The following DOCK9 variants were observed in gnomAD, a reference collection of about 807,000 sequenced individuals.
The protein encoded by DOCK9 is dedicator of cytokinesis protein 9.
Under a neutral mutation model 263.3 loss-of-function variants are expected in DOCK9, and 89 were observed. That is an observed-to-expected ratio of 0.34 (90% CI 0.28 to 0.40). The LOEUF (loss-of-function observed/expected upper bound fraction) is 0.40. Ranked by LOEUF, DOCK9 falls within the 10% of genes least tolerant of loss-of-function variation. The pLI is 1.00. For missense variants in DOCK9, 2,140 were observed against 2,603.4 expected, an observed-to-expected ratio of 0.82 and a Z score of 3.87; for synonymous variants, 976 against 973.1, an observed-to-expected ratio of 1.00 and a Z score of -0.06.
At chr13:98,848,095 G>C (rs768285869) in intron 37 of DOCK9, among the ~76,000 whole-genome samples, 9 of 152,128 alleles carry the variant, frequency 5.9e-5, no homozygotes, top group Non-Finnish European at 1.3e-4. Flanking sequence ...TTTTAGAGAA[G>C]GTTTGTGGAA....
chr13:98,976,945 A>AAAATAAAT (rs901393550), intron 1 of DOCK9, among the ~76,000 whole-genome samples: 2 of 152,204 alleles, frequency 1.3e-5, no homozygotes, highest in Non-Finnish European at 2.9e-5. Context: ...AAAGAAAAAA[A>AAAATAAAT]AAAATCACTA....
intron 44 of DOCK9, chr13:98,826,033 C>G: frequency 9.5e-7 from 1 of 1,051,188 alleles, no homozygotes; most frequent in South Asian, 2.7e-5. Flanking sequence ...AAATTTTTCT[C>G]TTTGGGGCTC....
chr13:99,050,617 C>T (rs1024865125), intron 1 of DOCK9, among the ~76,000 whole-genome samples: 9 of 152,156 alleles, frequency 5.9e-5, no homozygotes, highest in Non-Finnish European at 1.2e-4. Context: ...AGCTTGAATG[C>T]TGGAGGGGGA....
intron 13 of DOCK9, among the ~76,000 whole-genome samples, chr13:98,900,008 T>C (rs535483959): frequency 4.6e-5 from 7 of 152,286 alleles, no homozygotes; most frequent in African/African-American, 1.7e-4. Flanking sequence ...AGAAACAACT[T>C]TGACAGACAG....
intron 39 of DOCK9, among the ~76,000 whole-genome samples, chr13:98,832,523 C>T (rs963251049): frequency 3.3e-5 from 5 of 152,200 alleles, no homozygotes; most frequent in Non-Finnish European, 7.3e-5. Context: ...AAGAAGACTA[C>T]AATTTGCTTC....
Position 98,910,271 on chromosome 13 carries a change from G to A in DOCK9, c.960+4057C>T, listed in dbSNP as rs147491580. Among the ~76,000 whole-genome samples, 290 of 152,236 alleles carry A rather than the reference G, an allele frequency of 1.9e-3. 3 individuals are homozygous for A. The highest frequency in any genetic ancestry group is 6.6e-3 in the African/African-American group (275 of 41,536). Reference sequence around the variant, plus strand: ...AGGGAAGAAATCAATTAACTAACTTGAACTACGGTTTGTGTATCAAACTAA... The same window carrying A: ...AGGGAAGAAATCAATTAACTAACTTAAACTACGGTTTGTGTATCAAACTAA... On this transcript the variant is annotated intron_variant, in intron 9 of 52. Transcript: ENST00000682017.
intron 1 of DOCK9, among the ~76,000 whole-genome samples, chr13:99,051,300 C>G (rs2040684000): frequency 6.6e-6 from 1 of 152,108 alleles, no homozygotes; most frequent in Non-Finnish European, 1.5e-5. Context: ...TTGCTCTTTG[C>G]TTTACTGATT....
intron 1 of DOCK9, among the ~76,000 whole-genome samples, chr13:99,013,875 T>A (rs1341574889): frequency 6.6e-6 from 1 of 152,184 alleles, no homozygotes; most frequent in Non-Finnish European, 1.5e-5. Flanking sequence ...CTCTGCTGCG[T>A]GCAGAAGAGG....
intron 1 of DOCK9, among the ~76,000 whole-genome samples, chr13:98,956,760 T>TA (rs1259852019): frequency 4.0e-5 from 6 of 150,724 alleles, no homozygotes; most frequent in African/African-American, 1.5e-4. Flanking sequence ...AAACAAAAAT[T>TA]AAAAAAAAAG....
intron 27 of DOCK9, among the ~76,000 whole-genome samples, chr13:98,873,438 C>CCCT (rs369655425): frequency 8.8e-4 from 134 of 152,352 alleles, no homozygotes; most frequent in African/African-American, 3.2e-3. Context: ...GTTCTCTCTT[C>CCCT]CCTCTCATGG....
intron 3 of DOCK9, among the ~76,000 whole-genome samples, chr13:98,927,573 A>G (rs2053183669): frequency 6.6e-6 from 1 of 152,084 alleles, no homozygotes; most frequent in Non-Finnish European, 1.5e-5. Context: ...ACCAGCATAA[A>G]TTTGTATATT....
At chr13:98,990,213 GA>G (rs929817151) in intron 1 of DOCK9, among the ~76,000 whole-genome samples, 2 of 152,190 alleles carry the variant, frequency 1.3e-5, no homozygotes, top group East Asian at 1.9e-4. Flanking sequence ...ACCATAAGAG[GA>G]AAAAAATGCA....
chr13:99,049,669 A>G (rs753885), intron 1 of DOCK9, among the ~76,000 whole-genome samples: 46,128 of 152,000 alleles, frequency 0.3, 7,341 homozygotes, highest in East Asian at 0.43. Flanking sequence ...TGTGCGCCAC[A>G]GCGTTCAGCT....
At chr13:99,012,513 A>T (rs1884677319) in intron 1 of DOCK9, among the ~76,000 whole-genome samples, 4 of 152,184 alleles carry the variant, frequency 2.6e-5, no homozygotes. Context: ...ACCTGATGAC[A>T]GTTAAGCCAG....
At chr13:98,962,149 A>G (rs1433969040) in intron 1 of DOCK9, among the ~76,000 whole-genome samples, 1 of 152,226 alleles carries the variant, frequency 6.6e-6, no homozygotes, top group African/African-American at 2.4e-5. Flanking sequence ...GAAGAATGAT[A>G]ATACAAAATC....
chr13:99,008,466 T>G (rs1176068671), intron 1 of DOCK9, among the ~76,000 whole-genome samples: 2 of 152,086 alleles, frequency 1.3e-5, no homozygotes, highest in Non-Finnish European at 2.9e-5. Context: ...TCTCCTGACC[T>G]CAGGTGATCT....
intron 25 of DOCK9, 36 bp downstream of exon 25, chr13:98,881,522 C>A: frequency 6.5e-7 from 1 of 1,539,170 alleles, no homozygotes; most frequent in Admixed American, 2.0e-5. Flanking sequence ...TGGAGAGCCA[C>A]AGATGTAAGT....
chr13:98,903,201 A>G (rs778065869), intron 10 of DOCK9, 89 bp from the exon 11 acceptor site: 4 of 1,116,642 alleles, frequency 3.6e-6, no homozygotes, highest in Non-Finnish European at 4.9e-6. Context: ...GGAATAAAAT[A>G]TGGAAAAGCT....
chr13:98,821,208 T>C (rs1479750934), intron 45 of DOCK9, among the ~76,000 whole-genome samples: 1 of 152,162 alleles, frequency 6.6e-6, no homozygotes, highest in Non-Finnish European at 1.5e-5. Context: ...GGTGACTTCC[T>C]GTCTGGTTGC....
Sources: gnomAD v4.1 joint callset for allele counts (sites outside exome capture counted in the v4.1 genomes callset) on GRCh38, gnomAD v4.1.1 for gene constraint, MANE v1.5 for transcripts, NCBI Gene and HGNC (gene_info 2026-07-23, HGNC 2026-07-21) for gene names.